NCK1: variants seen among roughly 807,000 people sequenced by gnomAD.
NCK1 encodes NCK adaptor protein 1.
A neutral mutation model predicts 36.6 loss-of-function variants in NCK1; 19 were observed. The ratio of observed to expected loss-of-function variants is 0.52; its 90% CI spans 0.36 to 0.76. NCK1 has a LOEUF of 0.76. Ranked by LOEUF, NCK1 falls within the 30% of genes least tolerant of loss-of-function variation. The pLI, the probability that NCK1 is intolerant of heterozygous loss-of-function variation, is 0.00. For missense variants in NCK1, 358 were observed against 445.6 expected, an observed-to-expected ratio of 0.80 and a Z score of 1.77; for synonymous variants, 165 against 156.0, an observed-to-expected ratio of 1.06 and a Z score of -0.43.
chr3:136,929,581 A>G (rs1429523100), intron 2 of NCK1, among the ~76,000 whole-genome samples: 1 of 152,214 alleles, frequency 6.6e-6, no homozygotes, highest in Non-Finnish European at 1.5e-5. Context: ...AATCAGCAAT[A>G]CTGGTTTTGT....
At chr3:136,947,317 T>G (rs758471441) in intron 3 of NCK1, among the ~76,000 whole-genome samples, 43 of 152,082 alleles carry the variant, frequency 2.8e-4, no homozygotes, top group Middle Eastern at 3.2e-3. Context: ...GGGGTTGATA[T>G]AGACTGTAAC....
chr3:136,919,848 AT>A (rs1277300944), intron 1 of NCK1, among the ~76,000 whole-genome samples: 2 of 152,154 alleles, frequency 1.3e-5, no homozygotes, highest in African/African-American at 4.8e-5. Flanking sequence ...ATAAAATAAA[AT>A]TCTAAAGGGA....
At chr3:136,909,839 C>T (rs1214586727) in intron 1 of NCK1, among the ~76,000 whole-genome samples, 1 of 152,120 alleles carries the variant, frequency 6.6e-6, no homozygotes. Flanking sequence ...CCTTCCTTGT[C>T]TCTTACACCT....
intron 2 of NCK1, among the ~76,000 whole-genome samples, chr3:136,933,705 G>C (rs887386323): frequency 1.0e-5 from 1 of 97,110 alleles, no homozygotes; most frequent in Admixed American, 1.3e-4. Flanking sequence ...AAAGATTTAA[G>C]TAATCTTTTT....
chr3:136,878,127 G>T (rs977803031), intron 1 of NCK1, among the ~76,000 whole-genome samples: 11 of 152,152 alleles, frequency 7.2e-5, no homozygotes, highest in African/African-American at 1.2e-4. Flanking sequence ...ATGCTAAGTA[G>T]GCCGGACATG....
At chr3:136,865,382 G>A (rs990194388) in intron 1 of NCK1, among the ~76,000 whole-genome samples, 2 of 152,110 alleles carry the variant, frequency 1.3e-5, no homozygotes, top group African/African-American at 4.8e-5. Context: ...ACCGTGGCTG[G>A]CCTATATTCA....
At chr3:136,866,273 T>C (rs1938406893) in intron 1 of NCK1, among the ~76,000 whole-genome samples, 1 of 152,146 alleles carries the variant, frequency 6.6e-6, no homozygotes, top group Non-Finnish European at 1.5e-5. Flanking sequence ...CTCTTTGTAT[T>C]TTTGTACCTT....
At chr3:136,943,315 C>T (rs896946930) in intron 2 of NCK1, among the ~76,000 whole-genome samples, 4 of 152,090 alleles carry the variant, frequency 2.6e-5, no homozygotes, top group Non-Finnish European at 5.9e-5. Context: ...TATCATTAAC[C>T]GGAAGTAAGA....
At chr3:136,885,371 A>G (rs1055990722) in intron 1 of NCK1, among the ~76,000 whole-genome samples, 2 of 152,146 alleles carry the variant, frequency 1.3e-5, no homozygotes, top group African/African-American at 4.8e-5. Context: ...TTTTTGAGAC[A>G]GGGTCTTGCT....
chr3:136,911,713 G>C (rs1383380413), intron 1 of NCK1, among the ~76,000 whole-genome samples: 2 of 152,098 alleles, frequency 1.3e-5, no homozygotes, highest in Non-Finnish European at 2.9e-5. Context: ...ATTGTTTGCT[G>C]TGCAGTTGCT....
At chr3:136,948,224 A>G (rs1024071636) in intron 3 of NCK1, 35 bp from the exon 4 acceptor site, 3 of 1,497,292 alleles carry the variant, frequency 2.0e-6, no homozygotes, top group African/African-American at 2.8e-5. Flanking sequence ...GGCTTTCAAA[A>G]TGTTTACTAT....
chr3:136,866,801 TG>T (rs1205527342), intron 1 of NCK1, among the ~76,000 whole-genome samples: 1 of 151,710 alleles, frequency 6.6e-6, no homozygotes, highest in African/African-American at 2.4e-5. Flanking sequence ...TTAGTAGAGA[TG>T]GGGTTTCACC....
chr3:136,866,042 C>T (rs1938401362), intron 1 of NCK1, among the ~76,000 whole-genome samples: 1 of 152,178 alleles, frequency 6.6e-6, no homozygotes, highest in South Asian at 2.1e-4. Context: ...CTTCCTAAAT[C>T]TTAGAATTAT....
chr3:136,863,663 T>G (rs1938315306), intron 1 of NCK1, among the ~76,000 whole-genome samples: 1 of 152,224 alleles, frequency 6.6e-6, no homozygotes, highest in Non-Finnish European at 1.5e-5. Flanking sequence ...GTTTGCAGAG[T>G]GTTCACATCT....
chr3:136,883,803 A>T (rs1242540113), intron 1 of NCK1, among the ~76,000 whole-genome samples: 2 of 152,178 alleles, frequency 1.3e-5, no homozygotes, highest in Non-Finnish European at 2.9e-5. Flanking sequence ...GTCAGTGTAA[A>T]TGGAACAGAA....
At chr3:136,865,739 GACA>G (rs1209445039) in intron 1 of NCK1, among the ~76,000 whole-genome samples, 1 of 152,224 alleles carries the variant, frequency 6.6e-6, no homozygotes, top group East Asian at 1.9e-4. Flanking sequence ...ATGTTAGGAA[GACA>G]ACAAGGCTAA....
At chr3:136,912,773 A>G (rs141937484) in intron 1 of NCK1, among the ~76,000 whole-genome samples, 32 of 151,920 alleles carry the variant, frequency 2.1e-4, no homozygotes, top group African/African-American at 6.8e-4. Flanking sequence ...CCCCTGCTTC[A>G]GCTTCCTGAG....
At chr3:136,879,426 C>A (rs1352250909) in intron 1 of NCK1, among the ~76,000 whole-genome samples, 1 of 152,044 alleles carries the variant, frequency 6.6e-6, no homozygotes, top group Non-Finnish European at 1.5e-5. Flanking sequence ...CAATTAAAGC[C>A]TAGTCAGGAA....
chr3:136,904,257 A>C (rs112842913), intron 1 of NCK1, among the ~76,000 whole-genome samples: 5 of 152,188 alleles, frequency 3.3e-5, no homozygotes, highest in African/African-American at 9.6e-5. Context: ...GGTTCAAGTG[A>C]TTCTTCTACT....
Sources: gnomAD v4.1 joint callset for allele counts (sites outside exome capture counted in the v4.1 genomes callset) on GRCh38, gnomAD v4.1.1 for gene constraint, MANE v1.5 for transcripts, NCBI Gene and HGNC (gene_info 2026-07-23, HGNC 2026-07-21) for gene names.